The following EFR3A variants were observed in gnomAD, a reference collection of about 807,000 sequenced individuals.
The protein encoded by EFR3A is protein EFR3 homolog A.
EFR3A carries 76 observed loss-of-function variants against 104.4 expected under a neutral mutation model. The ratio of observed to expected loss-of-function variants is 0.73; its 90% CI spans 0.60 to 0.88. The LOEUF is 0.88. EFR3A is among the 40% of genes least tolerant of loss of function. The probability of loss-of-function intolerance (pLI) is 0.00; values close to 1 mark genes in which losing one functional copy is unlikely to be tolerated. For synonymous variants in EFR3A, 330 were observed against 330.0 expected (o/e 1.00, Z 0.00); for missense variants, 985 against 1,012.5 (o/e 0.97, Z 0.37).
chr8:131,953,390 A>G (rs1818807847), intron 5 of EFR3A, among the ~76,000 whole-genome samples: 1 of 152,092 alleles, frequency 6.6e-6, no homozygotes, highest in African/African-American at 2.4e-5. Context: ...AGGGAGTTGA[A>G]GGGCTGTTAG....
rs567446291 is a variant in EFR3A, at chr8:131,973,456, GTA to G, written c.1160-2564_1160-2563del. On this transcript the variant is annotated intron_variant, in intron 10 of 22. Coordinates refer to ENST00000254624, the MANE Select transcript of EFR3A (RefSeq NM_015137.6). Reference sequence around the variant, plus strand: ...TATTGTTTCTTAAGTATTATAAAATGTATATATAGCAGACTCAAGCCATATTT... The same window carrying G: ...TATTGTTTCTTAAGTATTATAAAATGTATATAGCAGACTCAAGCCATATTT... Among the ~76,000 whole-genome samples, 280 of 152,072 alleles carry G rather than the reference GTA, an allele frequency of 1.8e-3. 2 individuals carry two copies. Among genetic ancestry groups the G allele is most frequent in the African/African-American group, 6.6e-3 (272 of 41,488 alleles).
chr8:131,963,921 G>A lies in EFR3A; in HGVS notation c.855+4258G>A, dbSNP rs963821378. 7.2e-5 allele frequency among the ~76,000 whole-genome samples: 11 copies of A among 152,212 alleles called. No individual in the cohort carries two copies. The East Asian group carries it at 7.7e-4, about 11-fold the overall frequency. On this transcript the variant is annotated intron_variant, in intron 8 of 22. Transcript: ENST00000254624. ...GGGATGCAAGGCTGGTTCAACATAC[G>A]CAAATCGATAAATGTAATCCAGCAT...
At chr8:132,000,192 G>A (rs992428540) in intron 19 of EFR3A, among the ~76,000 whole-genome samples, 7 of 152,184 alleles carry the variant, frequency 4.6e-5, no homozygotes, top group Non-Finnish European at 8.8e-5. Flanking sequence ...GCAGTGGCGC[G>A]ATTTCGGCTC....
At chr8:131,954,126 T>G (rs1005392723) in intron 6 of EFR3A, among the ~76,000 whole-genome samples, 159 bp downstream of exon 6, 8 of 152,130 alleles carry the variant, frequency 5.3e-5, no homozygotes, top group Non-Finnish European at 1.2e-4. Flanking sequence ...AAATTTTTAC[T>G]CTGTAGTGAT....
intron 18 of EFR3A, among the ~76,000 whole-genome samples, chr8:131,995,372 T>G (rs897935084): frequency 2.0e-5 from 3 of 152,188 alleles, no homozygotes; most frequent in African/African-American, 7.2e-5. Flanking sequence ...TTTAATAATT[T>G]GTGTGATTTT....
chr8:131,995,699 C>T (rs1036335849), intron 18 of EFR3A, among the ~76,000 whole-genome samples: 6 of 152,124 alleles, frequency 3.9e-5, no homozygotes, highest in Non-Finnish European at 8.8e-5. Context: ...TACAGGACTT[C>T]AGCATAGTCA....
intron 2 of EFR3A, among the ~76,000 whole-genome samples, chr8:131,943,122 A>G (rs1818243427): frequency 6.6e-6 from 1 of 152,114 alleles, no homozygotes; most frequent in South Asian, 2.1e-4. Flanking sequence ...TGCTCACTGG[A>G]GCATTTTGGA....
At chr8:131,913,266 G>A (rs1163831376) in intron 1 of EFR3A, among the ~76,000 whole-genome samples, 2 of 151,484 alleles carry the variant, frequency 1.3e-5, no homozygotes, top group Admixed American at 6.6e-5. Flanking sequence ...CTCATCATGT[G>A]TATTTGCCGG....
At chr8:131,930,331 C>G (rs1586553704) in intron 1 of EFR3A, among the ~76,000 whole-genome samples, 1 of 152,018 alleles carries the variant, frequency 6.6e-6, no homozygotes, top group Admixed American at 6.6e-5. Context: ...GAAGTCTTCT[C>G]TAGGGAAGAT....
At chr8:132,010,716 A>G (rs1336874162) in intron 22 of EFR3A, 74 bp from the exon 23 acceptor site, 27 of 1,522,892 alleles carry the variant, frequency 1.8e-5, no homozygotes, top group Non-Finnish European at 2.4e-5. Flanking sequence ...ATTCGCAGAT[A>G]GTAGATAGAA....
intron 1 of EFR3A, among the ~76,000 whole-genome samples, chr8:131,922,422 T>C (rs1350743597): frequency 1.3e-5 from 2 of 152,126 alleles, no homozygotes; most frequent in Admixed American, 6.6e-5. Context: ...ATTTTTTTAT[T>C]AGGGATACTC....
rs953244635 is a variant in EFR3A at position 131,961,559 on chromosome 8, C to T, written c.855+1896C>T. On this transcript the variant is annotated intron_variant, in intron 8 of 22. Coordinates refer to ENST00000254624, the MANE Select transcript of EFR3A (RefSeq NM_015137.6). ...AAAGCCTCCAAGAAATATGGGACTA[C>T]GTGAAAAGACCAAATCTACGTCTGA... 1.4e-3 allele frequency among the ~76,000 whole-genome samples: 212 copies of T among 152,192 alleles called. 1 individual carries two copies. The highest frequency in any genetic ancestry group is 4.8e-3 in the African/African-American group (199 of 41,526).
chr8:132,008,864 A>AT (rs1014589474), intron 22 of EFR3A, among the ~76,000 whole-genome samples: 1 of 148,584 alleles, frequency 6.7e-6, no homozygotes, highest in Non-Finnish European at 1.5e-5. Flanking sequence ...AAAAAAAAAA[A>AT]AAAAAAAAAA....
intron 5 of EFR3A, 117 bp downstream of exon 5, chr8:131,950,207 A>C (rs1586588681): frequency 8.1e-6 from 9 of 1,107,698 alleles, no homozygotes; most frequent in Non-Finnish European, 1.0e-5. Flanking sequence ...ACGGCTTTCC[A>C]TTGCTGTTAG....
chr8:131,963,260 C>T (rs1380643607), intron 8 of EFR3A, among the ~76,000 whole-genome samples: 1 of 152,048 alleles, frequency 6.6e-6, no homozygotes. Flanking sequence ...AAAAACCCTT[C>T]AAAAAATCAG....
At chr8:131,970,939 C>T (rs569985103) in intron 10 of EFR3A, among the ~76,000 whole-genome samples, 1 of 151,842 alleles carries the variant, frequency 6.6e-6, no homozygotes, top group Non-Finnish European at 1.5e-5. Context: ...CTCTCTGTTT[C>T]TTTCTCTCCC....
rs188759090 is a variant in EFR3A, at chr8:131,915,346, T to C, written c.10+11024T>C. Among the ~76,000 whole-genome samples the C allele has an allele frequency of 6.7e-3, 1,024 of 152,346 alleles. 3 individuals are homozygous for C. The highest frequency in any genetic ancestry group is 0.017 in the Middle Eastern group (5 of 294). On this transcript the variant is annotated intron_variant, in intron 1 of 22. Transcript: ENST00000254624. ...CCAAGATGGGAGATTTTATAATCTC[T>C]TCTTGTAGTCATTTCAGTCATAGGT...
intron 18 of EFR3A, among the ~76,000 whole-genome samples, chr8:131,992,385 A>G (rs1338376318): frequency 6.6e-6 from 1 of 152,168 alleles, no homozygotes; most frequent in African/African-American, 2.4e-5. Flanking sequence ...GTTTTGTTGC[A>G]GTTGAGTATG....
intron 1 of EFR3A, among the ~76,000 whole-genome samples, chr8:131,934,667 TTATA>T (rs1817786541): frequency 6.6e-6 from 1 of 152,024 alleles, no homozygotes; most frequent in Non-Finnish European, 1.5e-5. Context: ...AAATACAGAA[TTATA>T]TATAATACGT....
Sources: allele counts gnomAD v4.1 joint callset (sites outside exome capture counted in the v4.1 genomes callset), GRCh38; gene constraint gnomAD v4.1.1; transcripts MANE v1.5; gene names NCBI Gene and HGNC (gene_info 2026-07-23, HGNC 2026-07-21).